The following KIF1B variants were observed in gnomAD, a reference collection of about 807,000 sequenced individuals.
KIF1B encodes the protein kinesin family member 1B.
A neutral mutation model predicts 241.9 loss-of-function variants in KIF1B; 76 were observed. The observed-to-expected ratio is 0.31, with a 90% CI of 0.26 to 0.38. The LOEUF is 0.38. Among genes scored for constraint, KIF1B ranks in the 10% least tolerant of loss-of-function variants. The pLI is 1.00. For missense variants in KIF1B, 1,622 were observed against 2,271.4 expected, an observed-to-expected ratio of 0.71 and a Z score of 5.81; for synonymous variants, 750 against 796.7, an observed-to-expected ratio of 0.94 and a Z score of 0.99.
Position 10,315,772 on chromosome 1 carries a change from G to A in KIF1B, c.2116-4271G>A, listed in dbSNP as rs990151378. ...ATCTTTTTGTTAAGAATGCTATAAA[G>A]GGGCCGGGTGCAGTGGCTCACGCCT... On this transcript the variant is annotated intron_variant, in intron 22 of 48. Transcript: ENST00000676179. Among the ~76,000 whole-genome samples, 48 of 151,212 alleles carry A rather than the reference G, an allele frequency of 3.2e-4. 2 individuals carry two copies. The highest frequency in any genetic ancestry group is 1.3e-4 in the Non-Finnish European group (9 of 67,956).
rs190567882 is a variant in KIF1B at position 10,374,193 on chromosome 1, C to T, written c.4947-123C>T. On this transcript the variant is annotated intron_variant, in intron 45 of 48. Coordinates refer to ENST00000676179, the MANE Select transcript of KIF1B (RefSeq NM_001365951.3). This position sits in a 1 kb window ranked among gnomAD's most constrained non-coding sequence, Gnocchi z 4.3. ...CTCCTCAGCTGAGCTCTCTGCAACT[C>T]AAGTTTGCAGCTGGGGTTTAGGGAG... 8.2e-5 allele frequency: 85 copies of T among 1,033,552 alleles called. No individual in the cohort carries two copies. The East Asian group carries it at 9.7e-4, about 12-fold the overall frequency. 64.0% of individuals were successfully genotyped at this position (1,033,552 alleles called of 1,614,324 possible).
In KIF1B at chr1:10,320,142, A is replaced by G. The variant is rs1651463839; in HGVS notation, c.2209+6A>G. ...GGAGGAAGAAGAGGAAGAAGGTGAA[A>G]TCTAGAGACCGAAAGTTTCCTGTGT... On this transcript the variant is annotated splice_donor_region_variant and intron_variant, in intron 23 of 48. Transcript: ENST00000676179. 6.3e-7 allele frequency: 1 copy of G among 1,599,766 alleles called. No homozygotes were observed. The highest frequency in any genetic ancestry group is 1.3e-5 in the African/African-American group (1 of 74,680).
At chr1:10,235,571 A>G (rs956170094) in intron 2 of KIF1B, among the ~76,000 whole-genome samples, 3 of 152,210 alleles carry the variant, frequency 2.0e-5, no homozygotes, top group African/African-American at 7.2e-5. Flanking sequence ...GGATTATTAA[A>G]AAGTATAGGC....
At chr1:10,279,217 T>C in intron 14 of KIF1B, 79 bp downstream of exon 14, 1 of 925,138 alleles carries the variant, frequency 1.1e-6, no homozygotes, top group South Asian at 1.5e-5. Context: ...TAAAATAAGC[T>C]TTGCATGCTG....
intron 2 of KIF1B, among the ~76,000 whole-genome samples, chr1:10,244,875 G>A (rs1482860644): frequency 2.0e-5 from 3 of 152,078 alleles, no homozygotes; most frequent in African/African-American, 7.2e-5. Flanking sequence ...GCCTCCCAAA[G>A]GACTGGGATT....
rs185699469 is a variant in KIF1B, at chr1:10,374,767, G to A, written c.5097-87G>A. The A allele has an allele frequency of 3.2e-5, 40 of 1,260,282 alleles. No homozygotes were observed. In the Admixed American group the frequency reaches 4.1e-4, roughly 13 times the overall value. The allele number at this position is 1,260,282 out of a possible 1,614,324, so 78.1% of individuals were successfully genotyped here. A position where few individuals can be genotyped will look rare whatever the true frequency, so the allele number is the denominator to read the frequency against. ...CCTGTTTCATCGAATCTAAGGACTT[G>A]GCCTAAGTGTGGCGTATTTTGATGG... On this transcript the variant is annotated intron_variant, in intron 46 of 48. Transcript: ENST00000676179. The surrounding 1 kb of genome is among the most constrained non-coding windows in gnomAD (Gnocchi z 4.3).
chr1:10,235,862 C>CAAAAAA (rs70997211), intron 2 of KIF1B, among the ~76,000 whole-genome samples: 1 of 70,380 alleles, frequency 1.4e-5, no homozygotes, highest in Non-Finnish European at 2.7e-5. Flanking sequence ...AACACTGTCT[C>CAAAAAA]AAAAAAAAAA....
intron 1 of KIF1B, among the ~76,000 whole-genome samples, chr1:10,225,050 G>C (rs902580269): frequency 6.6e-6 from 1 of 152,192 alleles, no homozygotes; most frequent in Non-Finnish European, 1.5e-5. Flanking sequence ...TGCCATCGCT[G>C]ATCTCACAGG....
intron 37 of KIF1B, among the ~76,000 whole-genome samples, chr1:10,348,977 T>C (rs1171470666): frequency 1.3e-5 from 2 of 152,180 alleles, no homozygotes; most frequent in Admixed American, 6.5e-5. Context: ...GTACATGGAA[T>C]GTGTAGAAGA....
chr1:10,310,728 G>T (rs1557706313), intron 22 of KIF1B, among the ~76,000 whole-genome samples: 1 of 151,498 alleles, frequency 6.6e-6, no homozygotes, highest in South Asian at 2.1e-4. Context: ...TGTGGTCCCT[G>T]GCCTCATAAA....
chr1:10,342,151 A>G lies in KIF1B; in HGVS notation c.3615A>G (p.Gln1205=), dbSNP rs764659696. 1.9e-6 allele frequency: 3 copies of G among 1,608,490 alleles called. No homozygotes were observed. The South Asian group carries it at 3.3e-5, about 18-fold the overall frequency. ...ATCAGCAGCACCCACTTCATCTGCA[A>G]GGACAGGAGCTTAACAGGTTTGGAC... ...GHYQQHPLHL[Q]GQELNSPPQP... The change falls in exon 33 of 49, where the codon CAA becomes CAG. Residue 1205 remains glutamine, a synonymous_variant. Transcript: ENST00000676179.
At chr1:10,243,880 A>C (rs1390786523) in intron 2 of KIF1B, among the ~76,000 whole-genome samples, 1 of 152,202 alleles carries the variant, frequency 6.6e-6, no homozygotes, top group Non-Finnish European at 1.5e-5. Flanking sequence ...TGGGCATTTT[A>C]GGTAGAGTGA....
chr1:10,363,345 G>A lies in KIF1B; in HGVS notation c.4366+1G>A. Reference sequence around the variant, plus strand: ...AAAATGTCAGACACAGGTAGTCCAGGTAAGCTCTTGTGGATTGAGGAGGTG... The same window carrying A: ...AAAATGTCAGACACAGGTAGTCCAGATAAGCTCTTGTGGATTGAGGAGGTG... On this transcript the variant is annotated splice_donor_variant, in intron 41 of 48. Transcript: ENST00000676179. LOFTEE classifies it high-confidence loss of function. The A allele has an allele frequency of 6.2e-7, 1 of 1,609,896 alleles. No individual in the cohort carries two copies. Among genetic ancestry groups the A allele is most frequent in the Non-Finnish European group, 8.5e-7 (1 of 1,176,230 alleles).
Position 10,303,042 on chromosome 1 carries a change from T to G in KIF1B, c.2115+5796T>G. On this transcript the variant is annotated intron_variant, in intron 22 of 48. Coordinates refer to ENST00000676179, the MANE Select transcript of KIF1B (RefSeq NM_001365951.3). This position sits in a 1 kb window ranked among gnomAD's most constrained non-coding sequence, Gnocchi z 5.2. The stretch of plus-strand genomic sequence containing the variant: ...GTTTTGTTTTGTTTTTTAGTTTTTT[T>G]GGTCTTATTTTTAAATTTGGTTAAG... 8.2e-7 allele frequency: 1 copy of G among 1,213,258 alleles called. No individual in the cohort carries two copies. Among genetic ancestry groups the G allele is most frequent in the South Asian group, 1.6e-5 (1 of 63,698 alleles). 75.2% of individuals were successfully genotyped at this position (1,213,258 alleles called of 1,614,324 possible). A position where few individuals can be genotyped will look rare whatever the true frequency, so the allele number is the denominator to read the frequency against.
Position 10,376,592 on chromosome 1 carries a change from C to T in KIF1B, c.*5C>T, listed in dbSNP as rs760508157. The T allele has an allele frequency of 6.2e-7, 1 of 1,613,946 alleles. No homozygotes were observed. Reference sequence around the variant, plus strand: ...CCGAGCCAGTCGAAATACTAAGTGACTCTGCCGAGTGCCCTCACTCGCCTT... The same window carrying T: ...CCGAGCCAGTCGAAATACTAAGTGATTCTGCCGAGTGCCCTCACTCGCCTT... On this transcript the variant is annotated 3_prime_UTR_variant, in exon 49 of 49. Coordinates refer to ENST00000676179, the MANE Select transcript of KIF1B (RefSeq NM_001365951.3).
intron 2 of KIF1B, among the ~76,000 whole-genome samples, chr1:10,241,342 G>T (rs909406454): frequency 6.6e-6 from 1 of 151,982 alleles, no homozygotes; most frequent in Non-Finnish European, 1.5e-5. Context: ...GGGCTGAAGG[G>T]ATCCTCCTGC....
At chr1:10,245,883 A>G (rs72865916) in intron 2 of KIF1B, among the ~76,000 whole-genome samples, 5,393 of 151,974 alleles carry the variant, frequency 0.035, 115 homozygotes, top group Middle Eastern at 0.13. Flanking sequence ...AGTACCCCAT[A>G]CTCTCCTAAT....
At chr1:10,251,625 G>A (rs528845828) in intron 2 of KIF1B, among the ~76,000 whole-genome samples, 5 of 151,706 alleles carry the variant, frequency 3.3e-5, no homozygotes, top group East Asian at 1.9e-4. Flanking sequence ...TCCTAGATAC[G>A]TGGCAGGCTG....
chr1:10,341,655 A>C (rs1652397002), intron 32 of KIF1B, among the ~76,000 whole-genome samples: 1 of 152,224 alleles, frequency 6.6e-6, no homozygotes, highest in South Asian at 2.1e-4. Flanking sequence ...TAAAATACCC[A>C]GCAGATACTG....
Sources: gnomAD v4.1 joint callset for allele counts (sites outside exome capture counted in the v4.1 genomes callset) on GRCh38, gnomAD v4.1.1 for gene constraint, Gnocchi (gnomAD v3.1) non-coding constraint, MANE v1.5 for transcripts, NCBI Gene and HGNC (gene_info 2026-07-23, HGNC 2026-07-21) for gene names.